Variants in VAV3 observed in about 807,000 individuals in gnomAD.
The protein encoded by VAV3 is guanine nucleotide exchange factor VAV3.
Under a neutral mutation model 131.2 loss-of-function variants are expected in VAV3, and 94 were observed. The ratio of observed to expected loss-of-function variants is 0.72; its 90% CI spans 0.61 to 0.85. VAV3 has a LOEUF of 0.85. VAV3 is among the 40% of genes least tolerant of loss of function. VAV3 has a pLI of 0.00. For missense variants in VAV3, 939 were observed against 1,002.7 expected (o/e 0.94, Z 0.86); for synonymous variants, 349 against 342.0 (o/e 1.02, Z -0.22).
chr1:107,779,451 T>C lies in VAV3; in HGVS notation c.363A>G (p.Ala121=). 1 of 1,590,758 alleles carries C rather than the reference T, an allele frequency of 6.3e-7. No homozygotes were observed. Among genetic ancestry groups the C allele is most frequent in the Non-Finnish European group, 8.6e-7 (1 of 1,168,302 alleles). Residue 121 remains alanine (A), a synonymous_variant, in exon 3 of 27, where the codon GCA becomes GCG. Transcript: ENST00000370056. ...GAGCTTACCTGATTCCTGTGGCCAATGCTATAGGTGTTCGAGAAAGTCGTG... is the reference window on the plus strand; with the variant it reads ...GAGCTTACCTGATTCCTGTGGCCAACGCTATAGGTGTTCGAGAAAGTCGTG... ...TLSRLSRTPI[A]LATGIRPFPT...
intron 2 of VAV3, chr1:107,862,693 A>C (rs1669792559): frequency 6.6e-6 from 1 of 151,636 alleles, no homozygotes; most frequent in African/African-American, 2.4e-5. Flanking sequence ...CCCTTAAGCC[A>C]ATGTGACAAG....
At chr1:107,948,149 C>T (rs1001898141) in intron 1 of VAV3, among the ~76,000 whole-genome samples, 1 of 152,056 alleles carries the variant, frequency 6.6e-6, no homozygotes, top group African/African-American at 2.4e-5. Flanking sequence ...AATGCTTTTT[C>T]AATTCTCCCA....
intron 24 of VAV3, among the ~76,000 whole-genome samples, chr1:107,599,505 G>A (rs150158192): frequency 7.2e-4 from 109 of 152,264 alleles, no homozygotes; most frequent in African/African-American, 2.3e-3. Context: ...AACAGGCAAT[G>A]GAGATGGTTT....
intron 19 of VAV3, among the ~76,000 whole-genome samples, chr1:107,664,429 T>C (rs1253772769): frequency 6.6e-6 from 1 of 151,864 alleles, no homozygotes; most frequent in Non-Finnish European, 1.5e-5. Flanking sequence ...CAGTTCCTAC[T>C]TATAAGTGAG....
chr1:107,694,668 T>A (rs1222841023), intron 17 of VAV3, among the ~76,000 whole-genome samples: 1 of 152,160 alleles, frequency 6.6e-6, no homozygotes. Flanking sequence ...AACTGTACAA[T>A]CCCCTGCACT....
chr1:107,608,150 T>C (rs1173651715), intron 22 of VAV3, among the ~76,000 whole-genome samples: 1 of 130,682 alleles, frequency 7.7e-6, no homozygotes, highest in Admixed American at 7.6e-5. Context: ...AAGAATAATA[T>C]TATTCTAACT....
rs946439883 is a variant in VAV3, at chr1:107,574,432, T to G, written c.2351-234A>C. Among the ~76,000 whole-genome samples, 6 of 152,226 alleles carry G rather than the reference T, an allele frequency of 3.9e-5. No homozygotes were observed. In the East Asian group the frequency reaches 1.2e-3, roughly 29 times the overall value. On this transcript the variant is annotated intron_variant, in intron 25 of 26. Transcript: ENST00000370056. ...CATTGTCCTGTTTTTCCATTCTTCA[T>G]AAGAACCTCAATCAAAGTAAGGACT... is the stretch of plus-strand genomic sequence containing the variant.
chr1:107,804,130 T>C (rs1471108117), intron 2 of VAV3, among the ~76,000 whole-genome samples: 2 of 152,134 alleles, frequency 1.3e-5, no homozygotes, highest in Admixed American at 1.3e-4. Flanking sequence ...TACATGTGTC[T>C]TCATAGGTGA....
chr1:107,918,597 GTATTT>G (rs1672730785), intron 1 of VAV3, among the ~76,000 whole-genome samples: 1 of 149,412 alleles, frequency 6.7e-6, no homozygotes, highest in Non-Finnish European at 1.5e-5. Flanking sequence ...AATTAATTGG[GTATTT>G]TGATGGAAAA....
At chr1:107,721,461 T>C (rs548465336) in intron 15 of VAV3, among the ~76,000 whole-genome samples, 1 of 152,250 alleles carries the variant, frequency 6.6e-6, no homozygotes, top group Admixed American at 6.5e-5. Context: ...AAATGAGGTA[T>C]TCCCATGTTT....
At chr1:107,770,089 A>G (rs1664952968) in intron 6 of VAV3, among the ~76,000 whole-genome samples, 1 of 151,844 alleles carries the variant, frequency 6.6e-6, no homozygotes, top group Non-Finnish European at 1.5e-5. Context: ...CCCTTCCCTC[A>G]TTCTGCTCCA....
chr1:107,629,617 GA>G (rs1557716239), intron 20 of VAV3, among the ~76,000 whole-genome samples: 1 of 151,528 alleles, frequency 6.6e-6, no homozygotes, highest in African/African-American at 2.4e-5. Context: ...GGAAGAGGAA[GA>G]AAAAAAGAAG....
At chr1:107,697,883 T>C (rs1385949071) in intron 17 of VAV3, among the ~76,000 whole-genome samples, 6 of 152,270 alleles carry the variant, frequency 3.9e-5, no homozygotes. Flanking sequence ...ATCACTCCCT[T>C]TCACTGAGAA....
intron 2 of VAV3, among the ~76,000 whole-genome samples, chr1:107,812,225 G>A (rs1174140312): frequency 2.6e-5 from 4 of 152,138 alleles, no homozygotes; most frequent in African/African-American, 9.7e-5. Context: ...GTCAGATACT[G>A]CTGGCAGAGT....
chr1:107,799,117 T>C (rs1466972666), intron 2 of VAV3, among the ~76,000 whole-genome samples: 1 of 152,210 alleles, frequency 6.6e-6, no homozygotes, highest in East Asian at 1.9e-4. Flanking sequence ...TTTCCTATGA[T>C]AATTATAGAA....
chr1:107,722,494 A>G (rs1661557243), intron 15 of VAV3, among the ~76,000 whole-genome samples: 1 of 152,202 alleles, frequency 6.6e-6, no homozygotes, highest in Non-Finnish European at 1.5e-5. Flanking sequence ...AGTGAGTCTC[A>G]AGAAAGAAAA....
intron 22 of VAV3, among the ~76,000 whole-genome samples, chr1:107,604,543 C>A (rs141676002): frequency 9.3e-4 from 142 of 152,218 alleles, no homozygotes; most frequent in African/African-American, 3.2e-3. Context: ...GCTCCTTTTG[C>A]GCTTAGGGTC....
chr1:107,779,381 G>T, intron 3 of VAV3, 53 bp downstream of exon 3: 1 of 1,474,354 alleles, frequency 6.8e-7, no homozygotes, highest in Non-Finnish European at 9.1e-7. Context: ...ATTTAATAAA[G>T]AATCATTACA....
chr1:107,642,845 T>A (rs2101510539), intron 19 of VAV3, 90 bp from the exon 20 acceptor site: 1 of 1,549,356 alleles, frequency 6.5e-7, no homozygotes, highest in East Asian at 2.3e-5. Flanking sequence ...TTATTAACAT[T>A]AAAAAGTGTT....
Sources: allele counts gnomAD v4.1 joint callset (sites outside exome capture counted in the v4.1 genomes callset), GRCh38; gene constraint gnomAD v4.1.1; transcripts MANE v1.5; gene names NCBI Gene and HGNC (gene_info 2026-07-23, HGNC 2026-07-21).